The following PIK3C2G variants were observed in gnomAD, a reference collection of about 807,000 sequenced individuals.
PIK3C2G encodes phosphatidylinositol-4-phosphate 3-kinase catalytic subunit type 2 gamma, also known as phosphatidylinositol 3-kinase C2 domain-containing subunit gamma.
A neutral mutation model predicts 181.1 loss-of-function variants in PIK3C2G; 168 were observed. The observed-to-expected ratio is 0.93, with a 90% CI of 0.82 to 1.05. The LOEUF (loss-of-function observed/expected upper bound fraction) is 1.05, where lower values mean the gene tolerates loss of function less well. Ranked by LOEUF, PIK3C2G falls within the 50% of genes least tolerant of loss-of-function variation. The pLI is 0.00. For missense variants in PIK3C2G, 1,869 were observed against 1,732.8 expected, an observed-to-expected ratio of 1.08 and a Z score of -1.40; for synonymous variants, 573 against 592.2, an observed-to-expected ratio of 0.97 and a Z score of 0.47.
At chr12:18,586,322 A>G (rs1946776975) in intron 29 of PIK3C2G, among the ~76,000 whole-genome samples, 1 of 152,156 alleles carries the variant, frequency 6.6e-6, no homozygotes, top group South Asian at 2.1e-4. Flanking sequence ...TAGATAGGCC[A>G]TTAGCTAGAC....
chr12:18,316,176 T>G (rs1950852161), intron 6 of PIK3C2G, among the ~76,000 whole-genome samples: 1 of 152,116 alleles, frequency 6.6e-6, no homozygotes, highest in Middle Eastern at 3.2e-3. Context: ...CATCCAAAGT[T>G]GCACAGCTAG....
intron 18 of PIK3C2G, among the ~76,000 whole-genome samples, chr12:18,429,170 A>G (rs1172747443): frequency 6.6e-6 from 1 of 152,154 alleles, no homozygotes; most frequent in Non-Finnish European, 1.5e-5. Context: ...AGAGGAGAAG[A>G]CACACACAGA....
At chr12:18,660,957 T>C in the PIK3C2G span, among the ~76,000 whole-genome samples, 2 of 152,034 alleles carry the variant, frequency 1.3e-5, no homozygotes, top group South Asian at 4.1e-4. Context: ...TCAATAAAAA[T>C]ATAGAAAACC....
At chr12:18,255,821 A>T (rs1226596692) in intron 1 of PIK3C2G, among the ~76,000 whole-genome samples, 1 of 152,234 alleles carries the variant, frequency 6.6e-6, no homozygotes, top group Non-Finnish European at 1.5e-5. Context: ...GAAGAGGAAA[A>T]GCACAGCTGT....
chr12:18,668,727 T>A, the PIK3C2G span, among the ~76,000 whole-genome samples: 1 of 152,248 alleles, frequency 6.6e-6, no homozygotes, highest in East Asian at 1.9e-4. Context: ...ACTCTCTGGG[T>A]AGAAGTGCTC....
rs576385304 is a variant in PIK3C2G, at chr12:18,492,398, T to C, written c.2793+840T>C. Among the ~76,000 whole-genome samples the C allele has an allele frequency of 4.6e-5, 7 of 152,356 alleles. No individual in the cohort carries two copies. The East Asian group carries it at 1.3e-3, about 29-fold the overall frequency. On this transcript the variant is annotated intron_variant, in intron 20 of 32. Coordinates refer to ENST00000538779, the MANE Select transcript of PIK3C2G (RefSeq NM_001288772.2). ...GTAAAATGTTTTGCTAAAAACTTGA[T>C]ACCATCATCTTTATCACTTTGCCAC... is the stretch of plus-strand genomic sequence containing the variant.
chr12:18,357,122 T>C (rs2137754617), intron 11 of PIK3C2G, among the ~76,000 whole-genome samples: 1 of 152,316 alleles, frequency 6.6e-6, no homozygotes, highest in East Asian at 1.9e-4. Flanking sequence ...TAAAAAAAGA[T>C]ATCTCAAAAT....
chr12:18,608,852 C>T (rs1028531740), intron 30 of PIK3C2G, among the ~76,000 whole-genome samples: 4 of 151,986 alleles, frequency 2.6e-5, no homozygotes, highest in African/African-American at 9.7e-5. Flanking sequence ...TGAAAGTTGT[C>T]GTCTGAAACT....
chr12:18,258,653 A>G (rs1948172632), upstream of PIK3C2G, among the ~76,000 whole-genome samples: 1 of 149,896 alleles, frequency 6.7e-6, no homozygotes, highest in African/African-American at 2.5e-5. Context: ...ATTCTATTAT[A>G]TATATGTACT....
chr12:18,653,052 C>T (rs1950586678), downstream of PIK3C2G, among the ~76,000 whole-genome samples: 1 of 152,074 alleles, frequency 6.6e-6, no homozygotes, highest in East Asian at 1.9e-4. Context: ...TCCTTAAAGT[C>T]TCCTCGAAAC....
upstream of PIK3C2G, chr12:18,247,571 T>C (rs1948052886): frequency 6.6e-6 from 1 of 152,196 alleles, no homozygotes; most frequent in Non-Finnish European, 1.5e-5. Context: ...GTGTCTGATT[T>C]ACATAGGGCT....
intron 8 of PIK3C2G, among the ~76,000 whole-genome samples, chr12:18,337,611 C>T (rs906766124): frequency 6.6e-6 from 1 of 152,012 alleles, no homozygotes; most frequent in Non-Finnish European, 1.5e-5. Flanking sequence ...TCTCACGTGG[C>T]GAGAGCTGGA....
At chr12:18,433,320 C>T (rs764754164) in intron 18 of PIK3C2G, among the ~76,000 whole-genome samples, 5 of 152,046 alleles carry the variant, frequency 3.3e-5, no homozygotes, top group Non-Finnish European at 7.4e-5. Context: ...TCAGACCAGC[C>T]TGCCCAACAT....
intron 11 of PIK3C2G, among the ~76,000 whole-genome samples, chr12:18,352,608 C>T (rs762097980): frequency 2.0e-5 from 3 of 152,236 alleles, no homozygotes; most frequent in Non-Finnish European, 4.4e-5. Context: ...AGTGTGACAG[C>T]CCTCTGCATC....
chr12:18,657,381 G>A, the PIK3C2G span, among the ~76,000 whole-genome samples: 1 of 152,156 alleles, frequency 6.6e-6, no homozygotes, highest in Non-Finnish European at 1.5e-5. Context: ...AAGATCCAGA[G>A]CTCTTGTCAC....
chr12:18,497,695 G>T lies in PIK3C2G; in HGVS notation c.2963G>T (p.Gly988Val), dbSNP rs1941127671. The T allele has an allele frequency of 1.9e-6, 3 of 1,612,220 alleles. No individual in the cohort carries two copies. The highest frequency in any genetic ancestry group is 2.5e-6 in the Non-Finnish European group (3 of 1,178,740). ...QVMDNIWLQE[G>V]LDMQMIIYRC... ...ATGGACAATATTTGGCTGCAGGAAGGCTTGGATATGCAAATGATCATTTAT... is the reference window on the plus strand; with the variant it reads ...ATGGACAATATTTGGCTGCAGGAAGTCTTGGATATGCAAATGATCATTTAT... The change falls in exon 22 of 33, where the codon GGC becomes GTC. Residue 988 changes from glycine (G) to valine (V), a missense_variant. Coordinates refer to ENST00000538779, the MANE Select transcript of PIK3C2G (RefSeq NM_001288772.2).
At position 18,303,282 on chromosome 12, in the gene PIK3C2G, CCTTT is replaced by C. The variant is rs761905286; in HGVS notation, c.1034+9282_1034+9285del. ...TCCTTCCTTCCCTCCCTCCCTCTCT[CCTTT>C]CTTTCTTTCTTTCTCTTTCCTTTCT... On this transcript the variant is annotated intron_variant, in intron 5 of 32. Coordinates refer to ENST00000538779, the MANE Select transcript of PIK3C2G (RefSeq NM_001288772.2). 2.2e-3 allele frequency among the ~76,000 whole-genome samples: 321 copies of C among 148,456 alleles called. 1 individual carries two copies. The highest frequency in any genetic ancestry group is 5.3e-3 in the African/African-American group (214 of 40,172).
intron 5 of PIK3C2G, among the ~76,000 whole-genome samples, chr12:18,313,580 T>TC (rs1453429209): frequency 6.6e-6 from 1 of 152,016 alleles, no homozygotes; most frequent in African/African-American, 2.4e-5. Flanking sequence ...AAGCATGCTG[T>TC]CATCAGCTTT....
the PIK3C2G span, among the ~76,000 whole-genome samples, chr12:18,726,566 AT>A: frequency 2.6e-5 from 4 of 152,174 alleles, no homozygotes; most frequent in Non-Finnish European, 5.9e-5. Context: ...GGAAAATAAA[AT>A]TCAAAATAAT....
Sources: gnomAD v4.1 joint callset for allele counts (sites outside exome capture counted in the v4.1 genomes callset) on GRCh38, gnomAD v4.1.1 for gene constraint, MANE v1.5 for transcripts, NCBI Gene and HGNC (gene_info 2026-07-23, HGNC 2026-07-21) for gene names.